The following NALCN variants were observed in gnomAD, a reference collection of about 807,000 sequenced individuals.
NALCN encodes the protein sodium leak channel NALCN.
In NALCN, 111 loss-of-function variants were observed where a neutral mutation model predicts 225.3. The ratio of observed to expected loss-of-function variants is 0.49; its 90% CI spans 0.42 to 0.58. The LOEUF (loss-of-function observed/expected upper bound fraction) is 0.58. Among genes scored for constraint, NALCN ranks in the 20% least tolerant of loss-of-function variants. NALCN has a pLI of 0.00. For synonymous variants in NALCN, 764 were observed against 769.0 expected (o/e 0.99, Z 0.11); for missense variants, 1,378 against 2,202.4 (o/e 0.63, Z 7.49).
At chr13:101,111,044 C>A in intron 19 of NALCN, 81 bp downstream of exon 19, 1 of 1,409,746 alleles carries the variant, frequency 7.1e-7, no homozygotes, top group Non-Finnish European at 9.8e-7. Context: ...GGGCTGACAG[C>A]CGTGACTGTG....
chr13:101,084,563 A>G (rs1376062792), intron 30 of NALCN, among the ~76,000 whole-genome samples: 1 of 150,672 alleles, frequency 6.6e-6, no homozygotes, highest in Non-Finnish European at 1.5e-5. Context: ...ATTTGTTCTG[A>G]ATTTTTTAAT....
At chr13:101,237,485 C>T (rs542999078) in intron 12 of NALCN, among the ~76,000 whole-genome samples, 1 of 151,926 alleles carries the variant, frequency 6.6e-6, no homozygotes, top group East Asian at 1.9e-4. Context: ...ATATGTGTAT[C>T]TATATACTGC....
intron 14 of NALCN, chr13:101,180,766 C>T (rs2039175435): frequency 3.6e-6 from 1 of 277,338 alleles, no homozygotes; most frequent in Non-Finnish European, 7.1e-6. Context: ...GATGTCAAAA[C>T]ACACCTGTGT....
intron 15 of NALCN, among the ~76,000 whole-genome samples, chr13:101,151,719 T>G (rs1399315518): frequency 6.6e-6 from 1 of 152,218 alleles, no homozygotes; most frequent in Non-Finnish European, 1.5e-5. Flanking sequence ...AGGCGTAAAC[T>G]ATTATTTTTC....
At chr13:101,193,416 A>G (rs1376967627) in intron 13 of NALCN, among the ~76,000 whole-genome samples, 1 of 152,166 alleles carries the variant, frequency 6.6e-6, no homozygotes, top group Non-Finnish European at 1.5e-5. Context: ...AAGGCCCAGA[A>G]CACAGTGGAC....
At chr13:101,205,022 A>T (rs2040259650) in intron 13 of NALCN, among the ~76,000 whole-genome samples, 1 of 152,144 alleles carries the variant, frequency 6.6e-6, no homozygotes. Context: ...TACAGGTAGC[A>T]AATGGTGTTG....
intron 20 of NALCN, 64 bp downstream of exon 20, chr13:101,110,555 G>T: frequency 1.3e-6 from 2 of 1,539,624 alleles, no homozygotes; most frequent in Non-Finnish European, 1.8e-6. Context: ...CATTGTCTAA[G>T]CAGTCATTTA....
At chr13:101,067,388 T>C (rs1806102323) in intron 39 of NALCN, among the ~76,000 whole-genome samples, 2 of 151,566 alleles carry the variant, frequency 1.3e-5, no homozygotes, top group South Asian at 4.2e-4. Flanking sequence ...TGGAGGTTGA[T>C]GACGACAATG....
In NALCN at chr13:101,187,529, A is replaced by T. The variant is rs572935086; in HGVS notation, c.1764+4388T>A. 4.6e-5 allele frequency among the ~76,000 whole-genome samples: 7 copies of T among 152,344 alleles called. No homozygotes were observed. In the East Asian group the frequency reaches 1.4e-3, roughly 29 times the overall value. On this transcript the variant is annotated intron_variant, in intron 14 of 43. Coordinates refer to ENST00000251127, the MANE Select transcript of NALCN (RefSeq NM_052867.4). ...ATAGTCAAGAGATTAATATCCAACA[A>T]ATATCCAATAAATGAGTTAAGACAA...
At chr13:101,265,497 C>G (rs2042567621) in intron 10 of NALCN, among the ~76,000 whole-genome samples, 2 of 152,298 alleles carry the variant, frequency 1.3e-5, no homozygotes, top group East Asian at 1.9e-4. Context: ...GCCATGAAAG[C>G]AAACCTCCCA....
chr13:101,184,078 C>T (rs895199383), intron 14 of NALCN, among the ~76,000 whole-genome samples: 13 of 152,126 alleles, frequency 8.5e-5, no homozygotes, highest in Middle Eastern at 3.4e-3. Context: ...ATTTTATGAC[C>T]GATATTGATA....
chr13:101,059,855 G>T lies in NALCN; in HGVS notation c.4868C>A (p.Thr1623Lys). 1 of 1,613,954 alleles carries T rather than the reference G, an allele frequency of 6.2e-7. No homozygotes were observed. Among genetic ancestry groups the T allele is most frequent in the East Asian group, 2.2e-5 (1 of 44,882 alleles). The stretch of plus-strand genomic sequence containing the variant: ...GCTGTTGTCCTGACTGTTGGCATTC[G>T]TGTCCTCACTGGGCTGGGTGGTCTC... ...SIETTQPSED[T>K]NANSQDNSMQ... is the part of the protein sequence containing the mutation. The change falls in exon 42 of 44, where the codon ACG (threonine) becomes AAG (lysine). Residue 1623 changes from threonine (T) to lysine (K), a missense_variant. Coordinates refer to ENST00000251127, the MANE Select transcript of NALCN (RefSeq NM_052867.4).
intron 10 of NALCN, among the ~76,000 whole-genome samples, chr13:101,264,621 AT>A (rs2042539055): frequency 6.6e-6 from 1 of 152,144 alleles, no homozygotes; most frequent in African/African-American, 2.4e-5. Context: ...AGCATGTTGA[AT>A]TTTGAGAAGC....
chr13:101,372,443 A>C lies in NALCN; in HGVS notation c.644+4257T>G, dbSNP rs574318693. 2.6e-5 allele frequency among the ~76,000 whole-genome samples: 4 copies of C among 152,304 alleles called. No homozygotes were observed. In the East Asian group the frequency reaches 7.7e-4, roughly 29 times the overall value. ...GAATTTTCACCAATTCAGACCATAT[A>C]CTGGTCCTTAAAATGATTCCTAATG... On this transcript the variant is annotated intron_variant, in intron 6 of 43. Coordinates refer to ENST00000251127, the MANE Select transcript of NALCN (RefSeq NM_052867.4).
intron 7 of NALCN, among the ~76,000 whole-genome samples, chr13:101,325,763 G>A (rs565993372): frequency 4.6e-5 from 7 of 152,306 alleles, no homozygotes; most frequent in Non-Finnish European, 8.8e-5. Context: ...GTGGCTAGGA[G>A]ACAAGATGGT....
intron 11 of NALCN, among the ~76,000 whole-genome samples, chr13:101,240,177 T>C (rs977578900): frequency 6.6e-6 from 1 of 152,108 alleles, no homozygotes; most frequent in Non-Finnish European, 1.5e-5. Context: ...TCTACAACTT[T>C]ATGATTTTTT....
rs772394714 is a variant in NALCN, at chr13:101,103,172, C to CA, written c.3056dup (p.Leu1019PhefsTer30). The stretch of plus-strand genomic sequence containing the variant: ...GAATCAAAGGATAATTCTCACATAC[C>CA]AAAAAAATTTCCTTGAAGCCGCTGA... On this transcript the variant is annotated frameshift_variant and splice_region_variant, in exon 26 of 44. Transcript: ENST00000251127. LOFTEE classifies it high-confidence loss of function. 13 of 1,611,440 alleles carry CA rather than the reference C, an allele frequency of 8.1e-6. No homozygotes were observed. The highest frequency in any genetic ancestry group is 1.0e-5 in the Non-Finnish European group (12 of 1,179,184).
At chr13:101,112,762 G>A (rs1343859830) in intron 18 of NALCN, among the ~76,000 whole-genome samples, 1 of 152,066 alleles carries the variant, frequency 6.6e-6, no homozygotes, top group Non-Finnish European at 1.5e-5. Flanking sequence ...TTCTTGAATG[G>A]CTTTGAATAT....
chr13:101,139,368 A>G (rs973308402), intron 17 of NALCN, among the ~76,000 whole-genome samples: 8 of 152,166 alleles, frequency 5.3e-5, no homozygotes, highest in African/African-American at 1.4e-4. Context: ...TGCAGTCTTC[A>G]GGCACCTGGG....
Sources: allele counts gnomAD v4.1 joint callset (sites outside exome capture counted in the v4.1 genomes callset), GRCh38; gene constraint gnomAD v4.1.1; transcripts MANE v1.5; gene names NCBI Gene and HGNC (gene_info 2026-07-23, HGNC 2026-07-21).